The following SMARCAD1 variants were observed in gnomAD, a reference collection of about 807,000 sequenced individuals.
SMARCAD1 encodes the protein SNF2 related chromatin remodeling ATPase with DExD box 1.
Under a neutral mutation model 127.1 loss-of-function variants are expected in SMARCAD1, and 25 were observed. That is an observed-to-expected ratio of 0.20 (90% CI 0.14 to 0.27). The LOEUF (loss-of-function observed/expected upper bound fraction) is 0.27, where lower values mean the gene tolerates loss of function less well. Among genes scored for constraint, SMARCAD1 ranks in the 10% least tolerant of loss-of-function variants. The pLI is 1.00. For synonymous variants in SMARCAD1, 400 were observed against 396.9 expected (o/e 1.01, Z -0.09); for missense variants, 807 against 1,206.0 (o/e 0.67, Z 4.90).
intron 21 of SMARCAD1, among the ~76,000 whole-genome samples, chr4:94,282,100 G>T (rs4693379): frequency 5.2e-3 from 388 of 74,748 alleles, no homozygotes; most frequent in South Asian, 9.3e-3. Context: ...ACGTTTTTTT[G>T]TTTTTTTTTT....
rs760851041 is a variant in SMARCAD1, at chr4:94,208,382, G to A, written c.-13G>A. On this transcript the variant is annotated 5_prime_UTR_variant, in exon 2 of 24. Coordinates refer to ENST00000354268, the MANE Select transcript of SMARCAD1 (RefSeq NM_020159.5). Reference sequence around the variant, plus strand: ...AAAGCCCCCATCCCTGCAAGGTGGTGCTTTCTACCAATATGAATCTTTTCA... The same window carrying A: ...AAAGCCCCCATCCCTGCAAGGTGGTACTTTCTACCAATATGAATCTTTTCA... The A allele has an allele frequency of 6.2e-7, 1 of 1,613,870 alleles. No individual in the cohort carries two copies. The highest frequency in any genetic ancestry group is 8.5e-7 in the Non-Finnish European group (1 of 1,179,956).
chr4:94,267,436 A>G (rs116521271), intron 10 of SMARCAD1, among the ~76,000 whole-genome samples: 1,904 of 152,230 alleles, frequency 0.013, 43 homozygotes, highest in African/African-American at 0.044. Flanking sequence ...TGCTTTAAAC[A>G]AGTCTCTCTA....
chr4:94,209,493 T>C (rs1419234355), intron 2 of SMARCAD1, among the ~76,000 whole-genome samples: 1 of 152,248 alleles, frequency 6.6e-6, no homozygotes, highest in Admixed American at 6.5e-5. Flanking sequence ...AATATCTTTT[T>C]TTATGCAAAA....
Position 94,250,758 on chromosome 4 carries a change from A to G in SMARCAD1, c.814A>G (p.Arg272Gly). ...ATAAATGACTTATTTCTAGGAACTTAGAGAAGTACTCAAGGAACATGAATG... is the reference window on the plus strand; with the variant it reads ...ATAAATGACTTATTTCTAGGAACTTGGAGAAGTACTCAAGGAACATGAATG... ...EFPNFDKQEL[R>G]EVLKEHEWMY... is the part of the protein sequence containing the mutation. Residue 272 changes from arginine to glycine, a missense_variant, in exon 8 of 24, where the codon AGA becomes GGA. This residue lies in a region of SMARCAD1 where 257 missense variants were observed against 303.4 expected (regional missense o/e 0.85). Transcript: ENST00000354268. The G allele has an allele frequency of 6.3e-7, 1 of 1,594,712 alleles. No individual in the cohort carries two copies. Among genetic ancestry groups the G allele is most frequent in the Non-Finnish European group, 8.5e-7 (1 of 1,172,762 alleles).
intron 11 of SMARCAD1, 119 bp downstream of exon 11, chr4:94,270,937 C>T (rs989168330): frequency 2.6e-6 from 2 of 778,958 alleles, no homozygotes; most frequent in Non-Finnish European, 2.2e-6. Context: ...CACCTCAGTA[C>T]CTTATATTTT....
chr4:94,265,341 A>T (rs1186640140), intron 10 of SMARCAD1, among the ~76,000 whole-genome samples: 1 of 151,870 alleles, frequency 6.6e-6, no homozygotes, highest in Non-Finnish European at 1.5e-5. Context: ...ATGATATCCC[A>T]TACTGTGATG....
chr4:94,241,140 T>A, intron 6 of SMARCAD1, 134 bp downstream of exon 6: 1 of 661,780 alleles, frequency 1.5e-6, no homozygotes, highest in South Asian at 1.7e-5. Flanking sequence ...AATTTACGTC[T>A]ACATTTAATT....
chr4:94,271,945 A>C (rs1226571417), intron 11 of SMARCAD1, among the ~76,000 whole-genome samples: 1 of 152,230 alleles, frequency 6.6e-6, no homozygotes, highest in East Asian at 1.9e-4. Context: ...TTGATGGCTT[A>C]GTCAGCTAGC....
Position 94,264,703 on chromosome 4 carries a change from A to C in SMARCAD1, c.1282-4A>C. On this transcript the variant is annotated splice_polypyrimidine_tract_variant and splice_region_variant and intron_variant, in intron 9 of 23. Transcript: ENST00000354268. ...ATTCAATTATTTTTCTTTTTATGCTATAGTTCACAAAGATGTCCAAAACTA... is the reference window on the plus strand; with the variant it reads ...ATTCAATTATTTTTCTTTTTATGCTCTAGTTCACAAAGATGTCCAAAACTA... The C allele has an allele frequency of 6.2e-7, 1 of 1,608,832 alleles. No homozygotes were observed. The highest frequency in any genetic ancestry group is 1.3e-5 in the African/African-American group (1 of 74,860).
intron 3 of SMARCAD1, among the ~76,000 whole-genome samples, chr4:94,227,591 A>T (rs1159822340): frequency 2.0e-5 from 3 of 152,176 alleles, no homozygotes; most frequent in Non-Finnish European, 4.4e-5. Context: ...GGATCACCCT[A>T]AGATTTTTGG....
In SMARCAD1 at chr4:94,290,981, T is replaced by C. The variant is rs1439714643; in HGVS notation, c.*1447T>C. 2.2e-6 allele frequency: 1 copy of C among 448,416 alleles called. No individual in the cohort carries two copies. 27.8% of individuals were successfully genotyped at this position (448,416 alleles called of 1,614,324 possible). A position where few individuals can be genotyped will look rare whatever the true frequency, so the allele number is the denominator to read the frequency against. ...CACGGCTTAACCCCAGTCTTGATGGTATATTGAACAGACTGAATATATTTT... is the reference window on the plus strand; with the variant it reads ...CACGGCTTAACCCCAGTCTTGATGGCATATTGAACAGACTGAATATATTTT... On this transcript the variant is annotated 3_prime_UTR_variant, in exon 24 of 24. Coordinates refer to ENST00000354268, the MANE Select transcript of SMARCAD1 (RefSeq NM_020159.5).
At chr4:94,247,244 T>C (rs1748574047) in intron 6 of SMARCAD1, among the ~76,000 whole-genome samples, 1 of 152,188 alleles carries the variant, frequency 6.6e-6, no homozygotes, top group Non-Finnish European at 1.5e-5. Context: ...ATATGTCTGT[T>C]CCAACTATGA....
rs986302392 is a variant in SMARCAD1, at chr4:94,255,087, T to G, written c.1281+2080T>G. Among the ~76,000 whole-genome samples the G allele has an allele frequency of 2.0e-5, 3 of 152,168 alleles. No individual in the cohort carries two copies. In the East Asian group the frequency reaches 5.8e-4, roughly 29 times the overall value. On this transcript the variant is annotated intron_variant, in intron 9 of 23. Coordinates refer to ENST00000354268, the MANE Select transcript of SMARCAD1 (RefSeq NM_020159.5). Reference sequence around the variant, plus strand: ...AGGAAACAAAAGCCAAAAAAATTGTTTTGTGTTGATAGCTGCCATATTTAG... The same window carrying G: ...AGGAAACAAAAGCCAAAAAAATTGTGTTGTGTTGATAGCTGCCATATTTAG...
rs118069856 is a variant in SMARCAD1 at position 94,278,304 on chromosome 4, T to A, written c.2083-118T>A. On this transcript the variant is annotated intron_variant, in intron 16 of 23. Transcript: ENST00000354268. ...GAAGTGCCATCTAGAATGAATCAAG[T>A]TTCTGCAGAAAATAACTCAGACTCT... 10 of 888,408 alleles carry A rather than the reference T, an allele frequency of 1.1e-5. No homozygotes were observed. The East Asian group carries it at 2.6e-4, about 23-fold the overall frequency. The allele number at this position is 888,408 out of a possible 1,614,324, so 55.0% of individuals were successfully genotyped here.
At chr4:94,276,523 A>G in intron 15 of SMARCAD1, 49 bp downstream of exon 15, 1 of 1,591,446 alleles carries the variant, frequency 6.3e-7, no homozygotes, top group Non-Finnish European at 8.6e-7. Flanking sequence ...AATTTAGATT[A>G]CGTAATTTAA....
At chr4:94,226,369 A>G in intron 3 of SMARCAD1, 73 bp downstream of exon 3, 3 of 1,236,202 alleles carry the variant, frequency 2.4e-6, no homozygotes, top group Non-Finnish European at 3.4e-6. Flanking sequence ...ACCTAATTTG[A>G]GATATTTTGG....
At chr4:94,217,219 G>A (rs1003709477) in intron 2 of SMARCAD1, among the ~76,000 whole-genome samples, 1 of 152,070 alleles carries the variant, frequency 6.6e-6, no homozygotes, top group South Asian at 2.1e-4. Flanking sequence ...TAAAGAAAGG[G>A]TGATATCGTT....
chr4:94,212,262 C>T (rs1016168281), intron 2 of SMARCAD1, among the ~76,000 whole-genome samples: 1 of 152,128 alleles, frequency 6.6e-6, no homozygotes, highest in East Asian at 1.9e-4. Flanking sequence ...GCAACCTCTA[C>T]CTCCTGGGTT....
At chr4:94,262,655 C>T (rs368738511) in intron 9 of SMARCAD1, among the ~76,000 whole-genome samples, 1 of 152,202 alleles carries the variant, frequency 6.6e-6, no homozygotes, top group East Asian at 1.9e-4. Context: ...GTGAATTTAT[C>T]TTTCCATTAA....
Sources: allele counts gnomAD v4.1 joint callset (sites outside exome capture counted in the v4.1 genomes callset), GRCh38; gene constraint gnomAD v4.1.1; regional missense constraint gnomAD v4.1.1; transcripts MANE v1.5; gene names NCBI Gene and HGNC (gene_info 2026-07-23, HGNC 2026-07-21).